The following PKD1 variants were observed in gnomAD, a reference collection of about 807,000 sequenced individuals.
PKD1 encodes the protein polycystin-1.
PKD1 carries 81 observed loss-of-function variants against 361.7 expected under a neutral mutation model. The ratio of observed to expected loss-of-function variants is 0.22; its 90% confidence interval spans 0.19 to 0.27. The LOEUF (loss-of-function observed/expected upper bound fraction) is 0.27. Ranked by LOEUF, PKD1 falls within the 10% of genes least tolerant of loss-of-function variation. The pLI is 1.00. For missense variants in PKD1, 6,399 were observed against 6,118.3 expected (o/e 1.05, Z -1.53); for synonymous variants, 3,615 against 2,818.3 (o/e 1.28, Z -8.95).
At position 2,110,935 on chromosome 16, in the gene PKD1, C is replaced by A. The variant is rs371937874; in HGVS notation, c.4232G>T (p.Arg1411Leu). ...VACAWPPFPY[R>L]YTWDFGTEEA... Reference sequence around the variant, plus strand: ...CTCGGTGCCAAAGTCCCAGGTGTAGCGGTAGGGGAACGGGGGCCAGGCACA... The same window carrying A: ...CTCGGTGCCAAAGTCCCAGGTGTAGAGGTAGGGGAACGGGGGCCAGGCACA... Residue 1411 changes from arginine (R) to leucine (L), a missense_variant, in exon 15 of 46, where the codon CGC becomes CTC. Coordinates refer to ENST00000262304, the MANE Select transcript of PKD1 (RefSeq NM_001009944.3). 1.5e-5 allele frequency: 24 copies of A among 1,611,030 alleles called. 2 individuals carry two copies. In the South Asian group the frequency reaches 2.3e-4, roughly 15 times the overall value.
intron 1 of PKD1, among the ~76,000 whole-genome samples, chr16:2,120,794 G>A (rs1567220905): frequency 6.6e-6 from 1 of 152,202 alleles, no homozygotes; most frequent in Non-Finnish European, 1.5e-5. Context: ...CAAGGTGGGT[G>A]GATCATGAGA....
intron 1 of PKD1, among the ~76,000 whole-genome samples, chr16:2,126,002 G>A (rs2092794328): frequency 6.9e-6 from 1 of 144,100 alleles, no homozygotes; most frequent in African/African-American, 2.9e-5. Flanking sequence ...GGAAGAGGAT[G>A]GTGGGGGGGG....
chr16:2,113,187 G>A lies in PKD1; in HGVS notation c.2959C>T (p.Gln987Ter). 8.3e-7 allele frequency: 1 copy of A among 1,209,230 alleles called. No homozygotes were observed. Among genetic ancestry groups the A allele is most frequent in the East Asian group, 2.3e-5 (1 of 42,970 alleles). The allele number at this position is 1,209,230 out of a possible 1,614,324, so 74.9% of individuals were successfully genotyped here. A position where few individuals can be genotyped will look rare whatever the true frequency, so the allele number is the denominator to read the frequency against. Residue 987 changes from glutamine to a stop codon, truncating the protein, a stop_gained, in exon 12 of 46, where the codon CAG becomes TAG. Transcript: ENST00000262304. LOFTEE classifies it high-confidence loss of function. ...FQNVVFNVIY[Q>*]SAAVFKLSLT... ...GAGAGCTTGAAGACCGCCGCGCTCT[G>A]ATAAATGACATTGAAGACCACGTTC...
chr16:2,092,097 A>T lies in PKD1; in HGVS notation c.11361T>A (p.Ser3787Arg), dbSNP rs773672893. The T allele has an allele frequency of 2.4e-5, 38 of 1,612,404 alleles. No individual in the cohort carries two copies. Among genetic ancestry groups the T allele is most frequent in the Non-Finnish European group, 3.1e-5 (37 of 1,179,870 alleles). Residue 3787 changes from serine to arginine, a missense_variant, in exon 40 of 46, where the codon AGT becomes AGA. Ser to Arg is a moderately radical substitution (Grantham distance 110, BLOSUM62 -1). Transcript: ENST00000262304. Reference protein sequence around the residue: ...STSDYDVGWESPHNGSGTWAY... With the variant: ...STSDYDVGWERPHNGSGTWAY... ...CCCACGTCCCCGAGCCATTGTGAGG[A>T]CTCTCCCAGCCAACGTCGTAATCGC...
chr16:2,115,782 C>G (rs2855343), intron 9 of PKD1, among the ~76,000 whole-genome samples, 157 bp from the exon 10 acceptor site: 1 of 152,178 alleles, frequency 6.6e-6, no homozygotes, highest in Non-Finnish European at 1.5e-5. Context: ...CTCCGGCCAG[C>G]CGACTGACCC....
chr16:2,117,080 G>A (rs1162380677), intron 6 of PKD1, 27 bp from the exon 7 acceptor site: 24 of 1,180,482 alleles, frequency 2.0e-5, no homozygotes, highest in Non-Finnish European at 2.7e-5. Flanking sequence ...GATGGCAGGG[G>A]GCTCAGGGCA....
intron 9 of PKD1, 29 bp from the exon 10 acceptor site, chr16:2,115,654 T>A: frequency 6.3e-7 from 1 of 1,591,754 alleles, no homozygotes; most frequent in South Asian, 1.1e-5. Flanking sequence ...GTTGGGGCCC[T>A]GATTTGCCCA....
At position 2,114,384 on chromosome 16, in the gene PKD1, G is replaced by A. The variant is rs1479394035; in HGVS notation, c.2639C>T (p.Thr880Ile). ...CTCCCAGGGGCAGCCGGGCACGAAG[G>A]TGGCCACCAGGGCAGGGCAGACATT... ...FENVCPALVA[T>I]FVPGCPWETN... Residue 880 changes from threonine to isoleucine, a missense_variant, in exon 11 of 46, where the codon ACC becomes ATC. Coordinates refer to ENST00000262304, the MANE Select transcript of PKD1 (RefSeq NM_001009944.3). 2 of 1,608,778 alleles carry A rather than the reference G, an allele frequency of 1.2e-6. No homozygotes were observed. The highest frequency in any genetic ancestry group is 1.7e-5 in the Admixed American group (1 of 60,000).
rs766731155 is a variant in PKD1, at chr16:2,089,970, G to T, written c.12669C>A (p.Leu4223=). 1.2e-6 allele frequency: 2 copies of T among 1,612,146 alleles called. No homozygotes were observed. The highest frequency in any genetic ancestry group is 3.3e-5 in the Admixed American group (2 of 59,936). Residue 4223 remains leucine (L), a synonymous_variant, in exon 46 of 46, where the codon CTC becomes CTA. Transcript: ENST00000262304. ...SRLQAVFEAL[L]TQFDRLNQAT... ...CCTGGTTGAGTCGGTCAAACTGGGT[G>T]AGCAGGGCCTCGAACACGGCTTGGA...
At chr16:2,126,497 A>G (rs2092801732) in intron 1 of PKD1, among the ~76,000 whole-genome samples, 1 of 152,256 alleles carries the variant, frequency 6.6e-6, no homozygotes, top group Non-Finnish European at 1.5e-5. Flanking sequence ...CCTGGCCCCT[A>G]GGCAAGGACA....
intron 37 of PKD1, 125 bp from the exon 38 acceptor site, chr16:2,093,218 C>G: frequency 8.7e-7 from 1 of 1,149,858 alleles, no homozygotes; most frequent in Non-Finnish European, 1.3e-6. Context: ...GCAGGGGGCG[C>G]CCCAAGACTC....
In PKD1 at chr16:2,118,238, G is replaced by C. The variant is rs1308219514; in HGVS notation, c.754C>G (p.Pro252Ala). The change falls in exon 5 of 46, where the codon CCG (proline) becomes GCG (alanine). Residue 252 changes from proline (P) to alanine (A), a missense_variant. Coordinates refer to ENST00000262304, the MANE Select transcript of PKD1 (RefSeq NM_001009944.3). This position sits in a 1 kb window ranked among gnomAD's most constrained non-coding sequence, Gnocchi z 6.0. ...FACLSLCSGP[P>A]PPPAPTCRGP... ...CTACAGGTGGGGGCAGGAGGTGGCG[G>C]GGGGCCGGAGCAGAGGGACAGGCAG... The C allele has an allele frequency of 6.5e-7, 1 of 1,531,348 alleles. No individual in the cohort carries two copies. The highest frequency in any genetic ancestry group is 8.8e-7 in the Non-Finnish European group (1 of 1,142,560). The allele number at this position is 1,531,348 out of a possible 1,614,324, so 94.9% of individuals were successfully genotyped here. A position where few individuals can be genotyped will look rare whatever the true frequency, so the allele number is the denominator to read the frequency against.
In PKD1 at chr16:2,090,078, G is replaced by A. The variant is rs754546193; in HGVS notation, c.12561C>T (p.Pro4187=). Residue 4187 remains proline, a synonymous_variant, in exon 46 of 46, where the codon CCC becomes CCT. Coordinates refer to ENST00000262304, the MANE Select transcript of PKD1 (RefSeq NM_001009944.3). ...PPSAGSDASH[P]STSSSQLDGL... ...CATCCAGCTGGCTGGAGGAGGTGGA[G>A]GGGTGCGAGGCATCGGAGCCAGCGC... The A allele has an allele frequency of 8.7e-6, 14 of 1,609,974 alleles. No individual in the cohort carries two copies. In the East Asian group the frequency reaches 1.6e-4, roughly 18 times the overall value.
chr16:2,127,163 C>A (rs1596615572), intron 1 of PKD1, among the ~76,000 whole-genome samples: 1 of 152,250 alleles, frequency 6.6e-6, no homozygotes, highest in East Asian at 1.9e-4. Flanking sequence ...CCGCCACCAC[C>A]TAACAGCAAG....
At chr16:2,108,221 G>A (rs1323390147) in intron 15 of PKD1, 31 bp downstream of exon 15, 29 of 1,576,292 alleles carry the variant, frequency 1.8e-5, no homozygotes, top group Non-Finnish European at 2.0e-5. Context: ...ACGGGTGAGG[G>A]GCATGGAGGA....
At chr16:2,092,891 T>G in intron 38 of PKD1, 63 bp downstream of exon 38, 1 of 1,591,318 alleles carries the variant, frequency 6.3e-7, no homozygotes, top group Non-Finnish European at 8.6e-7. Flanking sequence ...TCCCCTAGGG[T>G]CTGGCTGGAC....
At position 2,108,557 on chromosome 16, in the gene PKD1, C is replaced by T. The variant is rs759946740; in HGVS notation, c.6610G>A (p.Val2204Met). ...CTCACGTCCACGCCGGGCAGGGCCACACGCGCTGGGCGCCCCGGCCGCTGG... is the reference window on the plus strand; with the variant it reads ...CTCACGTCCACGCCGGGCAGGGCCATACGCGCTGGGCGCCCCGGCCGCTGG... ...SCQRPGRPAR[V>M]ALPGVDVSRP... Residue 2204 changes from valine (V) to methionine (M), a missense_variant, in exon 15 of 46, where the codon GTG becomes ATG. Coordinates refer to ENST00000262304, the MANE Select transcript of PKD1 (RefSeq NM_001009944.3). 3 of 1,595,434 alleles carry T rather than the reference C, an allele frequency of 1.9e-6. No homozygotes were observed. The highest frequency in any genetic ancestry group is 2.7e-5 in the African/African-American group (2 of 74,666).
intron 32 of PKD1, 43 bp downstream of exon 32, chr16:2,097,685 C>G: frequency 6.2e-7 from 1 of 1,610,916 alleles, no homozygotes; most frequent in Admixed American, 1.7e-5. Context: ...ACCCCAGACA[C>G]AGTGACCTGC....
chr16:2,133,629 C>T (rs1269514037), intron 1 of PKD1, among the ~76,000 whole-genome samples: 1 of 152,164 alleles, frequency 6.6e-6, no homozygotes, highest in Non-Finnish European at 1.5e-5. Context: ...AGGGCCTTCA[C>T]ATCCTTCCTA....
Sources: allele counts gnomAD v4.1 joint callset (sites outside exome capture counted in the v4.1 genomes callset), GRCh38; gene constraint gnomAD v4.1.1; non-coding constraint Gnocchi (gnomAD v3.1); transcripts MANE v1.5; gene names NCBI Gene and HGNC (gene_info 2026-07-23, HGNC 2026-07-21).